BAZ2B: variants seen among roughly 807,000 people sequenced by gnomAD.
The protein encoded by BAZ2B is bromodomain adjacent to zinc finger domain protein 2B.
Under a neutral mutation model 246.0 loss-of-function variants are expected in BAZ2B, and 91 were observed. The observed-to-expected ratio is 0.37, with a 90% CI of 0.31 to 0.44. BAZ2B has a LOEUF of 0.44. BAZ2B is among the 20% of genes least tolerant of loss of function. BAZ2B has a pLI of 1.00. For synonymous variants in BAZ2B, 855 were observed against 860.0 expected (o/e 0.99, Z 0.10); for missense variants, 2,332 against 2,533.7 (o/e 0.92, Z 1.71).
chr2:159,642,869 C>T, the BAZ2B span, among the ~76,000 whole-genome samples: 1 of 152,070 alleles, frequency 6.6e-6, no homozygotes, highest in South Asian at 2.1e-4. Flanking sequence ...TCATTTTATC[C>T]TTTGTGTTTT....
chr2:159,581,014 C>T (rs1686634723), intron 1 of BAZ2B, among the ~76,000 whole-genome samples: 1 of 152,152 alleles, frequency 6.6e-6, no homozygotes, highest in African/African-American at 2.4e-5. Flanking sequence ...TGGGCAAAGA[C>T]TTCATGACTA....
downstream of BAZ2B, among the ~76,000 whole-genome samples, chr2:159,315,646 G>A (rs1372278423): frequency 6.6e-6 from 1 of 152,166 alleles, no homozygotes; most frequent in Non-Finnish European, 1.5e-5. Flanking sequence ...GACTTAGTCT[G>A]GGAATTCACA....
the BAZ2B span, among the ~76,000 whole-genome samples, chr2:159,687,222 C>T: frequency 1.3e-5 from 2 of 152,066 alleles, no homozygotes; most frequent in Non-Finnish European, 2.9e-5. Flanking sequence ...ACTCTGGAAG[C>T]TTCTTGAGTA....
At chr2:159,544,897 C>T (rs1238427588) in intron 2 of BAZ2B, among the ~76,000 whole-genome samples, 1 of 152,094 alleles carries the variant, frequency 6.6e-6, no homozygotes, top group Non-Finnish European at 1.5e-5. Context: ...AGGGACAAGG[C>T]TACATTTAAA....
chr2:159,365,283 A>T (rs1189038813), intron 27 of BAZ2B, among the ~76,000 whole-genome samples: 1 of 152,070 alleles, frequency 6.6e-6, no homozygotes, highest in Non-Finnish European at 1.5e-5. Flanking sequence ...AGACAGCTGT[A>T]CCCATCCTTT....
the BAZ2B span, among the ~76,000 whole-genome samples, chr2:159,704,729 G>A: frequency 1.1e-4 from 17 of 151,762 alleles, no homozygotes; most frequent in Admixed American, 7.2e-4. Context: ...TGGTCCACCC[G>A]CCTCGGCTTC....
chr2:159,532,906 C>G (rs922386794), intron 2 of BAZ2B, among the ~76,000 whole-genome samples: 1 of 151,892 alleles, frequency 6.6e-6, no homozygotes, highest in Non-Finnish European at 1.5e-5. Flanking sequence ...CATGGAGAGA[C>G]AGAAAAAGTA....
chr2:159,331,580 T>C (rs901582978), intron 34 of BAZ2B, among the ~76,000 whole-genome samples: 3 of 152,188 alleles, frequency 2.0e-5, no homozygotes, highest in Non-Finnish European at 4.4e-5. Context: ...TTTTGCCATG[T>C]TGGCCAGGCT....
the BAZ2B span, among the ~76,000 whole-genome samples, chr2:159,638,176 C>T: frequency 6.6e-6 from 1 of 152,166 alleles, no homozygotes; most frequent in African/African-American, 2.4e-5. Flanking sequence ...CCATGACCAC[C>T]AAGGAGATAC....
chr2:159,393,582 A>C (rs545575322), intron 20 of BAZ2B, among the ~76,000 whole-genome samples: 1 of 152,100 alleles, frequency 6.6e-6, no homozygotes, highest in African/African-American at 2.4e-5. Context: ...TAGACTTAAA[A>C]GTAATTCAGA....
the BAZ2B span, among the ~76,000 whole-genome samples, chr2:159,681,549 G>C: frequency 6.6e-6 from 1 of 152,096 alleles, no homozygotes; most frequent in Non-Finnish European, 1.5e-5. Flanking sequence ...GATTGAAAGA[G>C]AGAATTACTA....
chr2:159,592,303 T>C (rs989923781), intron 1 of BAZ2B, among the ~76,000 whole-genome samples: 1 of 152,150 alleles, frequency 6.6e-6, no homozygotes, highest in Non-Finnish European at 1.5e-5. Context: ...TTCAGTATCA[T>C]GAATTTTATT....
the BAZ2B span, among the ~76,000 whole-genome samples, chr2:159,647,681 A>G: frequency 6.6e-6 from 1 of 152,148 alleles, no homozygotes; most frequent in African/African-American, 2.4e-5. Context: ...AGACAACACA[A>G]CTACATGCTT....
intron 31 of BAZ2B, among the ~76,000 whole-genome samples, chr2:159,345,783 T>C (rs938772755): frequency 4.6e-5 from 7 of 152,186 alleles, no homozygotes; most frequent in African/African-American, 1.7e-4. Flanking sequence ...CCACAGACTA[T>C]AGAAAGTAGA....
chr2:159,454,663 G>C (rs2075519098), intron 3 of BAZ2B, among the ~76,000 whole-genome samples: 1 of 152,140 alleles, frequency 6.6e-6, no homozygotes, highest in South Asian at 2.1e-4. Flanking sequence ...ATACTTCTTA[G>C]GTGAGAAGAG....
At chr2:159,431,851 C>T (rs952957418) in intron 9 of BAZ2B, among the ~76,000 whole-genome samples, 3 of 152,080 alleles carry the variant, frequency 2.0e-5, no homozygotes, top group Non-Finnish European at 2.9e-5. Context: ...TCATAGTTCA[C>T]GGTACAATAG....
chr2:159,391,192 C>T (rs1380367480), intron 20 of BAZ2B, among the ~76,000 whole-genome samples: 2 of 152,134 alleles, frequency 1.3e-5, no homozygotes, highest in African/African-American at 4.8e-5. Flanking sequence ...TATTAAATAT[C>T]TCTTACTGAT....
intron 2 of BAZ2B, among the ~76,000 whole-genome samples, chr2:159,535,419 G>A (rs1439681571): frequency 6.6e-6 from 1 of 152,116 alleles, no homozygotes; most frequent in African/African-American, 2.4e-5. Flanking sequence ...CTACTGGGGA[G>A]TCTGAGGCAA....
chr2:159,469,504 C>T (rs1490474310), intron 3 of BAZ2B, among the ~76,000 whole-genome samples: 3 of 152,074 alleles, frequency 2.0e-5, no homozygotes, highest in Non-Finnish European at 4.4e-5. Flanking sequence ...GGTACAATCT[C>T]GGCTCAATGC....
Sources: gnomAD v4.1 joint callset for allele counts (sites outside exome capture counted in the v4.1 genomes callset) on GRCh38, gnomAD v4.1.1 for gene constraint, MANE v1.5 for transcripts, NCBI Gene and HGNC (gene_info 2026-07-23, HGNC 2026-07-21) for gene names.